DDX19B: variants seen among roughly 807,000 people sequenced by gnomAD.
The protein encoded by DDX19B is ATP-dependent RNA helicase DDX19B.
DDX19B carries 27 observed loss-of-function variants against 58.1 expected under a neutral mutation model. The observed-to-expected ratio is 0.46, with a 90% CI of 0.34 to 0.64. The LOEUF is 0.64. Ranked by LOEUF, DDX19B falls within the 30% of genes least tolerant of loss-of-function variation. DDX19B has a pLI of 0.01. For synonymous variants in DDX19B, 187 were observed against 214.4 expected, an observed-to-expected ratio of 0.87 and a Z score of 1.12; for missense variants, 399 against 596.5, an observed-to-expected ratio of 0.67 and a Z score of 3.45.
chr16:70,327,674 G>A (rs2152211844), intron 7 of DDX19B, among the ~76,000 whole-genome samples: 1 of 152,050 alleles, frequency 6.6e-6, no homozygotes, highest in Non-Finnish European at 1.5e-5. Flanking sequence ...TGGGATTACA[G>A]GTGTGAGCCA....
intron 7 of DDX19B, among the ~76,000 whole-genome samples, chr16:70,327,804 C>T (rs775531325): frequency 8.5e-5 from 13 of 152,060 alleles, no homozygotes; most frequent in Admixed American, 5.2e-4. Context: ...TTTTTTGTTA[C>T]TAATTTTTTC....
At chr16:70,310,797 G>A (rs952216770) in intron 1 of DDX19B, among the ~76,000 whole-genome samples, 4 of 152,000 alleles carry the variant, frequency 2.6e-5, no homozygotes, top group East Asian at 3.9e-4. Context: ...TTGGGAGGCC[G>A]AGGCAGGGAG....
At chr16:70,314,784 C>T (rs1320042395) in intron 2 of DDX19B, 118 bp from the exon 3 acceptor site, 5 of 1,022,228 alleles carry the variant, frequency 4.9e-6, no homozygotes, top group African/African-American at 3.2e-5. Context: ...TCGGTTTCCT[C>T]ATTTATTTTT....
chr16:70,318,796 CAA>C (rs566281072), intron 5 of DDX19B, among the ~76,000 whole-genome samples: 9 of 80,290 alleles, frequency 1.1e-4, no homozygotes, highest in African/African-American at 9.7e-5. Context: ...AACTCCATCT[CAA>C]AAAAAAAAAA....
chr16:70,294,876 C>T (rs7189290), upstream of DDX19B: 5,880 of 1,526,118 alleles, frequency 3.9e-3, 145 homozygotes, highest in African/African-American at 0.063. Flanking sequence ...CGTCCAAGAT[C>T]GCGCCCTGCG....
chr16:70,321,177 G>T (rs980871074), intron 5 of DDX19B, among the ~76,000 whole-genome samples: 5 of 151,404 alleles, frequency 3.3e-5, no homozygotes, highest in African/African-American at 1.2e-4. Flanking sequence ...AATCAGGCTG[G>T]TCTCGAACTC....
At chr16:70,311,787 T>C (rs1273866416) in intron 1 of DDX19B, among the ~76,000 whole-genome samples, 1 of 152,186 alleles carries the variant, frequency 6.6e-6, no homozygotes, top group Non-Finnish European at 1.5e-5. Flanking sequence ...CTTACGGCTC[T>C]AACGTATCCT....
In DDX19B at chr16:70,331,962, C is replaced by A. The variant is rs916139654; in HGVS notation, c.1186+78C>A. On this transcript the variant is annotated intron_variant, in intron 10 of 11. Transcript: ENST00000288071. The stretch of plus-strand genomic sequence containing the variant: ...AGTTAGAGCCAGAAATCCTTGTACA[C>A]AGGGAAGTCGGATGGTCTCAGGGAG... The A allele has an allele frequency of 2.5e-6, 4 of 1,568,930 alleles. No individual in the cohort carries two copies. In the African/African-American group the frequency reaches 5.4e-5, roughly 21 times the overall value.
chr16:70,311,813 C>G (rs1962109481), intron 1 of DDX19B, among the ~76,000 whole-genome samples: 1 of 152,008 alleles, frequency 6.6e-6, no homozygotes, highest in African/African-American at 2.4e-5. Context: ...ATGACTGATT[C>G]CTACCCACAG....
At position 70,333,893 on chromosome 16, in the gene DDX19B, G is replaced by T. The variant is rs1963609984; in HGVS notation, c.*311G>T. ...ATCTAGATGCTGTGGCTGATTACTT[G>T]CCCAGGATCTCCTGTGGCAGCCTCT... On this transcript the variant is annotated 3_prime_UTR_variant, in exon 12 of 12. Coordinates refer to ENST00000288071, the MANE Select transcript of DDX19B (RefSeq NM_007242.7). The T allele has an allele frequency of 2.3e-6, 1 of 443,232 alleles. No homozygotes were observed. The highest frequency in any genetic ancestry group is 2.4e-5 in the South Asian group (1 of 41,126). The allele number at this position is 443,232 out of a possible 1,614,324, so 27.5% of individuals were successfully genotyped here. A position where few individuals can be genotyped will look rare whatever the true frequency, so the allele number is the denominator to read the frequency against.
Position 70,299,327 on chromosome 16 carries a change from G to A in DDX19B, c.30G>A (p.Val10=). 3.1e-6 allele frequency: 5 copies of A among 1,608,690 alleles called. No homozygotes were observed. The highest frequency in any genetic ancestry group is 3.4e-5 in the Admixed American group (2 of 59,210). The change falls in exon 1 of 12, where the codon GTG becomes GTA. Residue 10 remains valine (V), a synonymous_variant. Transcript: ENST00000288071. The part of the protein sequence containing the change: MATDSWALA[V]DEQEAAAESL... ...CCACTGACTCATGGGCCCTGGCGGTGGACGAGCAGGAAGCTGCGGCTGAGT... is the reference window on the plus strand; with the variant it reads ...CCACTGACTCATGGGCCCTGGCGGTAGACGAGCAGGAAGCTGCGGCTGAGT...
At chr16:70,301,624 TTTC>T (rs1009402418) in intron 1 of DDX19B, among the ~76,000 whole-genome samples, 4 of 152,046 alleles carry the variant, frequency 2.6e-5, no homozygotes, top group African/African-American at 7.2e-5. Context: ...TCATTGCTGA[TTTC>T]TTCTTCTTTG....
upstream of DDX19B, among the ~76,000 whole-genome samples, chr16:70,291,520 A>T (rs745732371): frequency 1.1e-4 from 16 of 152,176 alleles, no homozygotes; most frequent in South Asian, 8.3e-4. Flanking sequence ...GATTAAAATA[A>T]TTTTTTGGCC....
chr16:70,303,203 C>T (rs551553885), intron 1 of DDX19B, among the ~76,000 whole-genome samples: 45 of 152,244 alleles, frequency 3.0e-4, no homozygotes, highest in African/African-American at 1.0e-3. Flanking sequence ...GGCTAGAGTG[C>T]AGTGGCATGA....
Position 70,333,986 on chromosome 16 carries a change from G to A in DDX19B, c.*404G>A, listed in dbSNP as rs920934878. The stretch of plus-strand genomic sequence containing the variant: ...CTGTGGAAGTAATGGAATAGTGGTG[G>A]AAAGGGAACACAGAGAGGGAGGCTT... On this transcript the variant is annotated 3_prime_UTR_variant, in exon 12 of 12. Coordinates refer to ENST00000288071, the MANE Select transcript of DDX19B (RefSeq NM_007242.7). 27 of 266,210 alleles carry A rather than the reference G, an allele frequency of 1.0e-4. No individual in the cohort carries two copies. The highest frequency in any genetic ancestry group is 4.5e-4 in the African/African-American group (20 of 44,494). The allele number at this position is 266,210 out of a possible 1,614,324, so 16.5% of individuals were successfully genotyped here. A position where few individuals can be genotyped will look rare whatever the true frequency, so the allele number is the denominator to read the frequency against.
In DDX19B at chr16:70,333,130, A is replaced by G; in HGVS notation, c.1349A>G (p.Asn450Ser). 6.6e-7 allele frequency: 1 copy of G among 1,515,662 alleles called. No individual in the cohort carries two copies. Among genetic ancestry groups the G allele is most frequent in the Non-Finnish European group, 8.9e-7 (1 of 1,122,860 alleles). 93.9% of individuals were successfully genotyped at this position (1,515,662 alleles called of 1,614,324 possible). A position where few individuals can be genotyped will look rare whatever the true frequency, so the allele number is the denominator to read the frequency against. The change falls in exon 11 of 12, where the codon AAC becomes AGC. Residue 450 changes from asparagine (N) to serine (S), a missense_variant. This residue lies in a region of DDX19B where 198 missense variants were observed against 345.9 expected (regional missense o/e 0.57). Transcript: ENST00000288071. ...ATGGTGGACAGCAAGCACAGCATGA[A>G]CATCCTGAACAGAATCCAGGAGCAT... ...VNMVDSKHSM[N>S]ILNRIQEHFN... is the part of the protein sequence containing the mutation.
At chr16:70,296,303 A>ATT, upstream of DDX19B, among the ~76,000 whole-genome samples, 1 of 142,756 alleles carries the variant, frequency 7.0e-6, no homozygotes, top group African/African-American at 2.5e-5. Flanking sequence ...ACCTGGCCAC[A>ATT]TTTTTTTTTT....
At chr16:70,303,626 G>A (rs1004920432) in intron 1 of DDX19B, among the ~76,000 whole-genome samples, 23 of 151,562 alleles carry the variant, frequency 1.5e-4, no homozygotes, top group African/African-American at 4.6e-4. Flanking sequence ...GTGCCATCTC[G>A]GCTCACTGCA....
upstream of DDX19B, among the ~76,000 whole-genome samples, chr16:70,290,757 T>C (rs1961039668): frequency 6.6e-6 from 1 of 152,170 alleles, no homozygotes; most frequent in African/African-American, 2.4e-5. Context: ...CTTATTTCAT[T>C]TGATTTTTAA....
Sources: gnomAD v4.1 joint callset for allele counts (sites outside exome capture counted in the v4.1 genomes callset) on GRCh38, gnomAD v4.1.1 for gene constraint, gnomAD v4.1.1 regional missense constraint, MANE v1.5 for transcripts, NCBI Gene and HGNC (gene_info 2026-07-23, HGNC 2026-07-21) for gene names.